The following RNF130 variants were observed in gnomAD, a reference collection of about 807,000 sequenced individuals.
RNF130 encodes the protein ring finger protein 130.
A neutral mutation model predicts 44.6 loss-of-function variants in RNF130; 21 were observed. The ratio of observed to expected loss-of-function variants is 0.47; its 90% CI spans 0.33 to 0.68. RNF130 has a LOEUF of 0.68. Ranked by LOEUF, RNF130 falls within the 30% of genes least tolerant of loss-of-function variation. The probability of loss-of-function intolerance (pLI) is 0.02; values close to 1 mark genes in which losing one functional copy is unlikely to be tolerated. For synonymous variants in RNF130, 214 were observed against 210.4 expected (o/e 1.02, Z -0.15); for missense variants, 479 against 560.6 (o/e 0.85, Z 1.47).
At chr5:180,020,222 G>A (rs1262847076) in intron 2 of RNF130, among the ~76,000 whole-genome samples, 3 of 152,164 alleles carry the variant, frequency 2.0e-5, no homozygotes, top group Non-Finnish European at 4.4e-5. Flanking sequence ...AGGAATTTTC[G>A]GTTAGGTGTT....
chr5:179,984,974 T>G (rs1762920914), intron 3 of RNF130, among the ~76,000 whole-genome samples: 1 of 152,146 alleles, frequency 6.6e-6, no homozygotes, highest in Admixed American at 6.5e-5. Context: ...CAAAGCATTT[T>G]GGATAAAGGG....
chr5:179,983,759 C>A (rs1177709957), intron 3 of RNF130, among the ~76,000 whole-genome samples: 1 of 152,168 alleles, frequency 6.6e-6, no homozygotes, highest in Non-Finnish European at 1.5e-5. Context: ...ATTAAGTCTT[C>A]CACTGAACAC....
intron 1 of RNF130, among the ~76,000 whole-genome samples, chr5:180,060,549 T>G (rs180912145): frequency 6.6e-6 from 1 of 152,262 alleles, no homozygotes; most frequent in Non-Finnish European, 1.5e-5. Context: ...AGCCTAGATT[T>G]TTACCAACAC....
intron 2 of RNF130, 134 bp from the exon 3 acceptor site, chr5:180,013,445 T>A: frequency 1.3e-6 from 1 of 760,418 alleles, no homozygotes. Context: ...ACTTCTCAAC[T>A]GAAATGTAGA....
intron 7 of RNF130, among the ~76,000 whole-genome samples, chr5:179,921,057 C>G (rs1761623809): frequency 6.6e-6 from 1 of 152,092 alleles, no homozygotes; most frequent in South Asian, 2.1e-4. Flanking sequence ...ACTATCTGTG[C>G]TACTCAAAGC....
At position 179,980,111 on chromosome 5, in the gene RNF130, G is replaced by A. The variant is rs2113718148; in HGVS notation, c.765+18C>T. On this transcript the variant is annotated intron_variant, in intron 4 of 8. Transcript: ENST00000521389. Reference sequence around the variant, plus strand: ...GCTGGATTACTTTTACGGTGCTGAAGTTGTTTCATGACTGTACCTTGTCAC... The same window carrying A: ...GCTGGATTACTTTTACGGTGCTGAAATTGTTTCATGACTGTACCTTGTCAC... 2.5e-6 allele frequency: 4 copies of A among 1,611,718 alleles called. No homozygotes were observed. The highest frequency in any genetic ancestry group is 4.5e-5 in the East Asian group (2 of 44,850).
chr5:180,044,760 A>G (rs1472158658), intron 1 of RNF130, among the ~76,000 whole-genome samples: 1 of 151,996 alleles, frequency 6.6e-6, no homozygotes, highest in African/African-American at 2.4e-5. Flanking sequence ...TGAACCCAGG[A>G]GGCGGAGGTT....
intron 2 of RNF130, among the ~76,000 whole-genome samples, chr5:180,020,755 A>C (rs10903246): frequency 0.67 from 102,093 of 151,956 alleles, 34,637 homozygotes; most frequent in African/African-American, 0.76. Flanking sequence ...GCACCTGCCC[A>C]GAACAGAAAG....
At chr5:180,007,202 A>T (rs955325698) in intron 3 of RNF130, among the ~76,000 whole-genome samples, 1 of 152,048 alleles carries the variant, frequency 6.6e-6, no homozygotes, top group Non-Finnish European at 1.5e-5. Context: ...GGAGTTTGAG[A>T]CCAGCCTGGC....
At chr5:180,032,835 T>C (rs1330825715) in intron 2 of RNF130, among the ~76,000 whole-genome samples, 1 of 152,228 alleles carries the variant, frequency 6.6e-6, no homozygotes, top group Non-Finnish European at 1.5e-5. Context: ...TAGGATCGGC[T>C]TATCAATTTC....
rs1296721112 is a variant in RNF130, at chr5:180,071,695, C to G, written c.8G>C (p.Cys3Ser). Reference sequence around the variant, plus strand: ...CCGGGCAGGGCCCGCCCGCCCCGCGCAGCTCATCGTCCCTCCGGCAGCCGC... The same window carrying G: ...CCGGGCAGGGCCCGCCCGCCCCGCGGAGCTCATCGTCCCTCCGGCAGCCGC... The part of the protein sequence containing the change: MS[C>S]AGRAGPARLA... The change falls in exon 1 of 9, where the codon TGC becomes TCC. Residue 3 changes from cysteine (C) to serine (S), a missense_variant. Around this residue, in one of 3 missense-constraint regions of RNF130, gnomAD observed 138 missense variants for 126.9 expected, o/e 1.09. Transcript: ENST00000521389. 2 of 1,374,526 alleles carry G rather than the reference C, an allele frequency of 1.5e-6. No individual in the cohort carries two copies. The highest frequency in any genetic ancestry group is 3.2e-5 in the South Asian group (2 of 62,056). The allele number at this position is 1,374,526 out of a possible 1,614,324, so 85.1% of individuals were successfully genotyped here. A position where few individuals can be genotyped will look rare whatever the true frequency, so the allele number is the denominator to read the frequency against.
chr5:180,062,706 G>A (rs1765015281), intron 1 of RNF130, among the ~76,000 whole-genome samples: 1 of 152,108 alleles, frequency 6.6e-6, no homozygotes, highest in Non-Finnish European at 1.5e-5. Context: ...TTCTAACATT[G>A]GGTTTGCCAG....
At chr5:180,028,258 T>C (rs902556483) in intron 2 of RNF130, among the ~76,000 whole-genome samples, 2 of 152,180 alleles carry the variant, frequency 1.3e-5, no homozygotes, top group Admixed American at 6.5e-5. Flanking sequence ...TCGTACTCAA[T>C]GTTCATCTTC....
chr5:180,064,446 C>T (rs1190970235), intron 1 of RNF130, among the ~76,000 whole-genome samples: 2 of 152,198 alleles, frequency 1.3e-5, no homozygotes, highest in Non-Finnish European at 2.9e-5. Flanking sequence ...GCAACCACTT[C>T]CAACAGTTTT....
intron 2 of RNF130, among the ~76,000 whole-genome samples, chr5:180,019,455 G>T (rs1277513988): frequency 6.6e-6 from 1 of 152,050 alleles, no homozygotes; most frequent in Admixed American, 6.5e-5. Context: ...GTGTATTCAG[G>T]GTCAAGCTGC....
chr5:180,053,652 G>A (rs1764736933), intron 1 of RNF130, among the ~76,000 whole-genome samples: 1 of 152,072 alleles, frequency 6.6e-6, no homozygotes, highest in South Asian at 2.1e-4. Context: ...AGCAAGAAGA[G>A]TTGGAAAGAA....
rs562591909 is a variant in RNF130 at position 180,071,160 on chromosome 5, T to C, written c.247+296A>G. Among the ~76,000 whole-genome samples, 4 of 152,352 alleles carry C rather than the reference T, an allele frequency of 2.6e-5. No individual in the cohort carries two copies. In the South Asian group the frequency reaches 8.3e-4, roughly 32 times the overall value. ...TTGCGCTCTTGCACCACCTCCTTTG[T>C]CTACGCTGTCCCTGCAAACTCCTAG... On this transcript the variant is annotated intron_variant, in intron 1 of 8. Transcript: ENST00000521389.
At chr5:179,983,804 T>C (rs1762895666) in intron 3 of RNF130, among the ~76,000 whole-genome samples, 1 of 152,232 alleles carries the variant, frequency 6.6e-6, no homozygotes, top group African/African-American at 2.4e-5. Flanking sequence ...TAGTTCTTGA[T>C]TAATTTCCTC....
intron 2 of RNF130, among the ~76,000 whole-genome samples, chr5:180,018,878 A>G (rs979378180): frequency 2.0e-5 from 3 of 152,162 alleles, no homozygotes; most frequent in Non-Finnish European, 4.4e-5. Context: ...CCTGGGAGTA[A>G]ACCCCGGGGC....
Sources: gnomAD v4.1 joint callset for allele counts (sites outside exome capture counted in the v4.1 genomes callset) on GRCh38, gnomAD v4.1.1 for gene constraint, gnomAD v4.1.1 regional missense constraint, MANE v1.5 for transcripts, NCBI Gene and HGNC (gene_info 2026-07-23, HGNC 2026-07-21) for gene names.